The following NTRK2 variants were observed in gnomAD, a reference collection of about 807,000 sequenced individuals.
The protein encoded by NTRK2 is BDNF/NT-3 growth factors receptor.
A neutral mutation model predicts 94.5 loss-of-function variants in NTRK2; 13 were observed. The ratio of observed to expected loss-of-function variants is 0.14; its 90% confidence interval spans 0.09 to 0.22. NTRK2 has a LOEUF of 0.22. NTRK2 is among the 10% of genes least tolerant of loss of function. NTRK2 has a pLI of 1.00. For missense variants in NTRK2, 639 were observed against 1,071.2 expected, an observed-to-expected ratio of 0.60 and a Z score of 5.63; for synonymous variants, 372 against 407.4, an observed-to-expected ratio of 0.91 and a Z score of 1.05.
intron 17 of NTRK2, among the ~76,000 whole-genome samples, chr9:84,996,945 C>T (rs982618913): frequency 1.4e-4 from 21 of 152,142 alleles, no homozygotes; most frequent in Non-Finnish European, 1.5e-4. Context: ...TGTTTCAGTG[C>T]AGTATGTGCA....
intron 14 of NTRK2, among the ~76,000 whole-genome samples, chr9:84,882,724 G>GCGCGCGCGCGCC (rs1564428925): frequency 6.6e-6 from 1 of 150,562 alleles, no homozygotes; most frequent in African/African-American, 2.5e-5. Context: ...GTGTGTGCGC[G>GCGCGCGCGCGCC]CGCGCGCGCA....
chr9:84,703,050 C>T (rs944498269), intron 4 of NTRK2, among the ~76,000 whole-genome samples: 4 of 152,152 alleles, frequency 2.6e-5, no homozygotes, highest in African/African-American at 9.7e-5. Context: ...TTGCTAAATC[C>T]TCTAGATGAT....
chr9:84,863,983 G>A (rs1339210803), intron 13 of NTRK2, among the ~76,000 whole-genome samples: 2 of 152,186 alleles, frequency 1.3e-5, no homozygotes, highest in East Asian at 3.9e-4. Flanking sequence ...AGAGGTTTAG[G>A]AAAGGAAAGG....
At chr9:84,784,329 A>C (rs1272168581) in intron 12 of NTRK2, among the ~76,000 whole-genome samples, 2 of 152,234 alleles carry the variant, frequency 1.3e-5, no homozygotes, top group Admixed American at 1.3e-4. Context: ...TCATTTCTTC[A>C]TAGTGGGAAT....
At chr9:84,956,507 C>G (rs1824147671) in intron 17 of NTRK2, among the ~76,000 whole-genome samples, 1 of 152,096 alleles carries the variant, frequency 6.6e-6, no homozygotes. Flanking sequence ...TTCTACCAAC[C>G]CTCAATTTGA....
intron 15 of NTRK2, among the ~76,000 whole-genome samples, chr9:84,938,482 A>G (rs1354848307): frequency 2.0e-5 from 3 of 152,176 alleles, no homozygotes; most frequent in African/African-American, 7.2e-5. Context: ...TCACATCTCC[A>G]TGACATATGC....
intron 17 of NTRK2, among the ~76,000 whole-genome samples, chr9:84,982,827 C>T (rs549695476): frequency 6.6e-6 from 1 of 152,118 alleles, no homozygotes; most frequent in Non-Finnish European, 1.5e-5. Flanking sequence ...ATGATATATC[C>T]CAAGATAATC....
At chr9:84,809,882 GAAAAAAAAA>G (rs35481612) in intron 12 of NTRK2, among the ~76,000 whole-genome samples, 12 of 118,778 alleles carry the variant, frequency 1.0e-4, no homozygotes, top group Non-Finnish European at 1.7e-5. Context: ...ACTCTGTCTG[GAAAAAAAAA>G]AAAAAAAAAA....
At position 85,021,688 on chromosome 9, in the gene NTRK2, T is replaced by A. The variant is rs1201644677; in HGVS notation, c.*251T>A. The A allele has an allele frequency of 7.6e-6, 4 of 529,360 alleles. No individual in the cohort carries two copies. The highest frequency in any genetic ancestry group is 2.3e-5 in the South Asian group (1 of 42,656). The allele number at this position is 529,360 out of a possible 1,614,324, so 32.8% of individuals were successfully genotyped here. A position where few individuals can be genotyped will look rare whatever the true frequency, so the allele number is the denominator to read the frequency against. The stretch of plus-strand genomic sequence containing the variant: ...CCTTGGTTGTTCCTTTTTCTTTTTT[T>A]AAATTTTCTTTTTCTTTTTTTTTTC... On this transcript the variant is annotated 3_prime_UTR_variant, in exon 19 of 19. Coordinates refer to ENST00000277120, the MANE Select transcript of NTRK2 (RefSeq NM_006180.6).
At chr9:84,867,093 C>A in intron 13 of NTRK2, 150 bp from the exon 14 acceptor site, 1 of 724,690 alleles carries the variant, frequency 1.4e-6, no homozygotes, top group Non-Finnish European at 2.3e-6. Flanking sequence ...AAATGTCCTA[C>A]AAGTAGATTA....
intron 12 of NTRK2, among the ~76,000 whole-genome samples, chr9:84,851,018 G>A (rs910694425): frequency 5.9e-5 from 9 of 152,230 alleles, no homozygotes; most frequent in African/African-American, 1.7e-4. Flanking sequence ...TCAGGGTTTC[G>A]CAATCTCAGT....
chr9:84,759,557 A>T (rs2065370314), intron 12 of NTRK2, among the ~76,000 whole-genome samples: 1 of 152,210 alleles, frequency 6.6e-6, no homozygotes. Context: ...TAGTATTTTC[A>T]CTAAAGGTGA....
At chr9:84,771,971 A>T (rs1024272564) in intron 12 of NTRK2, among the ~76,000 whole-genome samples, 10 of 152,194 alleles carry the variant, frequency 6.6e-5, no homozygotes, top group African/African-American at 2.4e-4. Flanking sequence ...TTGAGGCAAG[A>T]TAGAGTAGCA....
intron 12 of NTRK2, among the ~76,000 whole-genome samples, chr9:84,776,507 C>T (rs2067061832): frequency 6.6e-6 from 1 of 152,200 alleles, no homozygotes; most frequent in Non-Finnish European, 1.5e-5. Context: ...CAGGTGTGAG[C>T]CACCATGTCT....
intron 15 of NTRK2, among the ~76,000 whole-genome samples, chr9:84,947,557 C>T (rs1013071703): frequency 2.0e-5 from 3 of 152,196 alleles, no homozygotes; most frequent in Non-Finnish European, 4.4e-5. Context: ...CAGTTCCTAA[C>T]GTGGATGCAT....
At chr9:84,874,903 C>T (rs201822978) in intron 14 of NTRK2, 111 of 1,056,566 alleles carry the variant, frequency 1.1e-4, no homozygotes, top group Non-Finnish European at 1.3e-4. Flanking sequence ...GGTATAGGCC[C>T]AATGATTTTT....
At chr9:84,871,715 T>C (rs1240647526) in intron 14 of NTRK2, 1 of 1,258,656 alleles carries the variant, frequency 7.9e-7, no homozygotes, top group African/African-American at 1.5e-5. Context: ...GTTTGCAGGA[T>C]TGTAGAGCAA....
chr9:84,865,452 A>T (rs1324530159), intron 13 of NTRK2, among the ~76,000 whole-genome samples: 2 of 152,168 alleles, frequency 1.3e-5, no homozygotes, highest in African/African-American at 4.8e-5. Flanking sequence ...GATAATCTCC[A>T]TATGAGGGGG....
chr9:84,688,973 A>G (rs72737666), intron 2 of NTRK2, among the ~76,000 whole-genome samples: 13,451 of 152,246 alleles, frequency 0.088, 758 homozygotes, highest in African/African-American at 0.15. Flanking sequence ...TAAAGCTTTC[A>G]TGTCTCAGTT....
Sources: allele counts gnomAD v4.1 joint callset (sites outside exome capture counted in the v4.1 genomes callset), GRCh38; gene constraint gnomAD v4.1.1; transcripts MANE v1.5; gene names NCBI Gene and HGNC (gene_info 2026-07-23, HGNC 2026-07-21).